RORA: variants seen among roughly 807,000 people sequenced by gnomAD.
RORA encodes the protein nuclear receptor ROR-alpha.
A neutral mutation model predicts 69.5 loss-of-function variants in RORA; 7 were observed. The observed-to-expected ratio is 0.10, with a 90% CI of 0.06 to 0.19. RORA has a LOEUF of 0.19. RORA is among the 10% of genes least tolerant of loss of function. The pLI, the probability that RORA is intolerant of heterozygous loss-of-function variation, is 1.00. For missense variants in RORA, 457 were observed against 663.0 expected, an observed-to-expected ratio of 0.69 and a Z score of 3.41; for synonymous variants, 261 against 240.8, an observed-to-expected ratio of 1.08 and a Z score of -0.78.
chr15:61,003,699 C>T (rs1353984109), intron 1 of RORA, among the ~76,000 whole-genome samples: 1 of 152,066 alleles, frequency 6.6e-6, no homozygotes, highest in Non-Finnish European at 1.5e-5. Flanking sequence ...AAATGCAAAA[C>T]AAAAAGCTAG....
intron 2 of RORA, chr15:60,592,455 G>A: frequency 1.4e-6 from 2 of 1,393,220 alleles, no homozygotes; most frequent in Middle Eastern, 2.5e-4. Flanking sequence ...AGAGCGGATG[G>A]TCCGACCCCG....
intron 1 of RORA, among the ~76,000 whole-genome samples, chr15:60,729,422 T>C (rs1296100998): frequency 1.3e-5 from 2 of 151,920 alleles, no homozygotes; most frequent in East Asian, 3.9e-4. Context: ...GAGTCAGGAG[T>C]CCTGGATTCT....
At chr15:60,880,230 C>T (rs1342205894) in intron 1 of RORA, among the ~76,000 whole-genome samples, 2 of 152,246 alleles carry the variant, frequency 1.3e-5, no homozygotes, top group African/African-American at 2.4e-5. Context: ...CCCTCACCCA[C>T]TCCTCACCCT....
At chr15:60,899,459 G>C (rs764047845) in intron 1 of RORA, among the ~76,000 whole-genome samples, 7 of 152,240 alleles carry the variant, frequency 4.6e-5, no homozygotes, top group Non-Finnish European at 1.5e-5. Context: ...ATCCAGTATA[G>C]TGACTGAGTG....
chr15:60,776,619 G>C (rs1166584610), intron 1 of RORA, among the ~76,000 whole-genome samples: 1 of 152,204 alleles, frequency 6.6e-6, no homozygotes, highest in South Asian at 2.1e-4. Flanking sequence ...AAAAGGGTAA[G>C]AAGCTTGCAA....
intron 1 of RORA, among the ~76,000 whole-genome samples, chr15:61,095,521 T>A (rs1463720975): frequency 6.6e-6 from 1 of 152,184 alleles, no homozygotes; most frequent in Non-Finnish European, 1.5e-5. Context: ...CTTGGCTACT[T>A]TGTAAATATC....
intron 1 of RORA, among the ~76,000 whole-genome samples, chr15:60,761,943 A>G (rs895641456): frequency 1.3e-5 from 2 of 152,190 alleles, no homozygotes; most frequent in African/African-American, 4.8e-5. Flanking sequence ...ATGAAAAAAA[A>G]AAAGTCTAGT....
chr15:60,962,417 C>T (rs1893440317), intron 1 of RORA, among the ~76,000 whole-genome samples: 1 of 152,216 alleles, frequency 6.6e-6, no homozygotes, highest in Admixed American at 6.5e-5. Flanking sequence ...TAAGAAGGTT[C>T]TCAGACAGTG....
intron 2 of RORA, among the ~76,000 whole-genome samples, chr15:60,591,281 C>A (rs1433390386): frequency 6.6e-6 from 1 of 152,110 alleles, no homozygotes; most frequent in African/African-American, 2.4e-5. Flanking sequence ...GAGGAACCTG[C>A]GGGCGCACAA....
intron 1 of RORA, among the ~76,000 whole-genome samples, chr15:60,791,739 C>T (rs1167053551): frequency 6.6e-6 from 1 of 152,180 alleles, no homozygotes; most frequent in Non-Finnish European, 1.5e-5. Context: ...GCTAAAAGAA[C>T]AGAAAAGTGA....
intron 2 of RORA, among the ~76,000 whole-genome samples, chr15:60,626,585 G>C (rs2069587908): frequency 6.6e-6 from 1 of 152,132 alleles, no homozygotes; most frequent in Non-Finnish European, 1.5e-5. Flanking sequence ...TGCGTGGATT[G>C]TCTCCTGTCA....
intron 2 of RORA, among the ~76,000 whole-genome samples, chr15:60,636,224 T>G (rs1314812849): frequency 6.6e-6 from 1 of 152,216 alleles, no homozygotes; most frequent in Non-Finnish European, 1.5e-5. Flanking sequence ...CTACTGTCTG[T>G]CCACCCAGGC....
chr15:60,627,412 G>T, intron 2 of RORA: 1 of 1,613,200 alleles, frequency 6.2e-7, no homozygotes, highest in Non-Finnish European at 8.5e-7. Flanking sequence ...CAGAAACTGG[G>T]GCTGTGCTTT....
intron 2 of RORA, among the ~76,000 whole-genome samples, chr15:60,640,687 A>G (rs920359712): frequency 1.3e-5 from 2 of 151,738 alleles, no homozygotes; most frequent in African/African-American, 4.9e-5. Flanking sequence ...GTTTATTTCT[A>G]CCGCAGGGCC....
intron 1 of RORA, among the ~76,000 whole-genome samples, chr15:61,075,682 G>A (rs1952027987): frequency 6.6e-6 from 1 of 152,178 alleles, no homozygotes; most frequent in Non-Finnish European, 1.5e-5. Context: ...TGAGGTTAAT[G>A]GATTTTCCCA....
chr15:60,678,359 G>C (rs1222624832), intron 2 of RORA: 3 of 294,852 alleles, frequency 1.0e-5, no homozygotes, highest in Non-Finnish European at 1.9e-5. Context: ...TCTAGGATAA[G>C]GGTGATCAGT....
In RORA at chr15:61,147,551, GA is replaced by G. The variant is rs2079360539; in HGVS notation, c.166+81501del. On this transcript the variant is annotated intron_variant, in intron 1 of 10. Transcript: ENST00000335670. This position sits in a 1 kb window ranked among gnomAD's most constrained non-coding sequence, Gnocchi z 4.1. Reference sequence around the variant, plus strand: ...CTCATAGAAGATAGGTTGGAAGCAGGAAAAAAAGATGAAATTATTTGAGGAG... The same window carrying G: ...CTCATAGAAGATAGGTTGGAAGCAGGAAAAAAGATGAAATTATTTGAGGAG... Among the ~76,000 whole-genome samples the G allele has an allele frequency of 6.6e-6, 1 of 152,080 alleles. No individual in the cohort carries two copies. Among genetic ancestry groups the G allele is most frequent in the African/African-American group, 2.4e-5 (1 of 41,404 alleles).
At chr15:60,526,900 A>T (rs1027838943) in intron 3 of RORA, among the ~76,000 whole-genome samples, 1 of 152,230 alleles carries the variant, frequency 6.6e-6, no homozygotes, top group Non-Finnish European at 1.5e-5. Flanking sequence ...AATGGCTTTA[A>T]CTACTTCAGT....
At chr15:60,530,152 A>G (rs549214936) in intron 3 of RORA, 1 of 152,466 alleles carries the variant, frequency 6.6e-6, no homozygotes, top group South Asian at 2.1e-4. Context: ...GTGAGGGTGA[A>G]AAGCAATGGC....
Sources: allele counts gnomAD v4.1 joint callset (sites outside exome capture counted in the v4.1 genomes callset), GRCh38; gene constraint gnomAD v4.1.1; non-coding constraint Gnocchi (gnomAD v3.1); transcripts MANE v1.5; gene names NCBI Gene and HGNC (gene_info 2026-07-23, HGNC 2026-07-21).